The following CADM2 variants were observed in gnomAD, a reference collection of about 807,000 sequenced individuals.
The protein encoded by CADM2 is cell adhesion molecule 2, also known as immunoglobulin superfamily member 4D.
A neutral mutation model predicts 49.8 loss-of-function variants in CADM2; 12 were observed. The observed-to-expected ratio is 0.24, with a 90% CI of 0.15 to 0.39. CADM2 has a LOEUF of 0.39. Among genes scored for constraint, CADM2 ranks in the 10% least tolerant of loss-of-function variants. The pLI is 1.00. For missense variants in CADM2, 378 were observed against 492.3 expected (o/e 0.77, Z 2.20); for synonymous variants, 214 against 175.4 (o/e 1.22, Z -1.74).
intron 1 of CADM2, among the ~76,000 whole-genome samples, chr3:85,659,965 G>T (rs1194903485): frequency 6.6e-6 from 1 of 152,244 alleles, no homozygotes; most frequent in South Asian, 2.1e-4. Flanking sequence ...TTATGAACTT[G>T]AATGCACCCA....
At chr3:85,080,029 G>T (rs144519529) in intron 1 of CADM2, among the ~76,000 whole-genome samples, 2 of 151,992 alleles carry the variant, frequency 1.3e-5, no homozygotes, top group African/African-American at 4.8e-5. Flanking sequence ...GTATTGAAGT[G>T]TCAAGAAAAA....
intron 1 of CADM2, among the ~76,000 whole-genome samples, chr3:85,270,389 T>C (rs1384726676): frequency 6.6e-6 from 1 of 151,394 alleles, no homozygotes; most frequent in Non-Finnish European, 1.5e-5. Context: ...ATGTTCTAGA[T>C]GTATAGCATA....
intron 1 of CADM2, among the ~76,000 whole-genome samples, chr3:84,980,015 T>G (rs1207015616): frequency 1.3e-5 from 2 of 152,182 alleles, no homozygotes; most frequent in African/African-American, 4.8e-5. Flanking sequence ...TTATTTCCTT[T>G]GTAAGTATGT....
At chr3:85,255,324 AG>A (rs1323571553) in intron 1 of CADM2, among the ~76,000 whole-genome samples, 1 of 152,078 alleles carries the variant, frequency 6.6e-6, no homozygotes, top group Non-Finnish European at 1.5e-5. Context: ...CTTCACTTAA[AG>A]GTATTTAAAG....
intron 1 of CADM2, among the ~76,000 whole-genome samples, chr3:85,084,223 C>T (rs756888764): frequency 6.6e-6 from 1 of 152,124 alleles, no homozygotes; most frequent in African/African-American, 2.4e-5. Context: ...CAAAATAATT[C>T]TTTGAAGTAT....
chr3:85,095,977 C>T (rs897932174), intron 1 of CADM2, among the ~76,000 whole-genome samples: 1 of 152,008 alleles, frequency 6.6e-6, no homozygotes, highest in African/African-American at 2.4e-5. Flanking sequence ...AGCTCCAAGT[C>T]TCTAGGGTTT....
chr3:86,006,799 G>T (rs1046524471), intron 8 of CADM2, among the ~76,000 whole-genome samples: 1 of 152,064 alleles, frequency 6.6e-6, no homozygotes, highest in African/African-American at 2.4e-5. Flanking sequence ...CCTGCACTTT[G>T]GGAGGCTGAG....
At chr3:85,372,404 T>C (rs1341341154) in intron 1 of CADM2, among the ~76,000 whole-genome samples, 2 of 132,756 alleles carry the variant, frequency 1.5e-5, no homozygotes, top group Non-Finnish European at 1.6e-5. Flanking sequence ...TATATGTATA[T>C]GTATATATAT....
At chr3:85,169,077 G>A (rs1166061488) in intron 1 of CADM2, among the ~76,000 whole-genome samples, 1 of 151,960 alleles carries the variant, frequency 6.6e-6, no homozygotes, top group Non-Finnish European at 1.5e-5. Flanking sequence ...CTCAGCCTCA[G>A]GAGTATCTGG....
chr3:85,549,593 C>T (rs1430891589), intron 1 of CADM2, among the ~76,000 whole-genome samples: 1 of 151,988 alleles, frequency 6.6e-6, no homozygotes, highest in Non-Finnish European at 1.5e-5. Context: ...TCAATGTTTA[C>T]ACTCTGTGGT....
At chr3:85,916,762 G>C (rs1385337413) in intron 6 of CADM2, among the ~76,000 whole-genome samples, 1 of 151,920 alleles carries the variant, frequency 6.6e-6, no homozygotes, top group Non-Finnish European at 1.5e-5. Flanking sequence ...CTTCCACAAT[G>C]GTTGAACTAG....
chr3:85,949,825 A>G (rs1254567861), intron 7 of CADM2, among the ~76,000 whole-genome samples: 4 of 151,096 alleles, frequency 2.6e-5, no homozygotes, highest in African/African-American at 4.8e-5. Context: ...AATGAGCACT[A>G]TTTTATATTA....
At chr3:85,684,552 C>T (rs1352132648) in intron 1 of CADM2, among the ~76,000 whole-genome samples, 1 of 152,030 alleles carries the variant, frequency 6.6e-6, no homozygotes, top group African/African-American at 2.4e-5. Flanking sequence ...CATTTTCATG[C>T]TGCTGGTAAA....
At chr3:85,901,735 ACAAT>A (rs1181864005) in intron 5 of CADM2, among the ~76,000 whole-genome samples, 2 of 152,144 alleles carry the variant, frequency 1.3e-5, no homozygotes, top group Admixed American at 6.5e-5. Context: ...AACTCTCACC[ACAAT>A]CAATTTCAAA....
intron 1 of CADM2, among the ~76,000 whole-genome samples, chr3:85,488,946 TA>T (rs1242817166): frequency 6.6e-6 from 1 of 152,152 alleles, no homozygotes; most frequent in Non-Finnish European, 1.5e-5. Context: ...TTTTAATAAC[TA>T]AAATGTTTTC....
intron 1 of CADM2, among the ~76,000 whole-genome samples, chr3:85,626,047 T>C (rs2064122733): frequency 6.6e-6 from 1 of 152,042 alleles, no homozygotes; most frequent in Admixed American, 6.6e-5. Flanking sequence ...TATTCTGTTT[T>C]AGTAAGAATT....
At chr3:85,808,406 AT>A (rs1213987953) in intron 3 of CADM2, among the ~76,000 whole-genome samples, 2 of 152,158 alleles carry the variant, frequency 1.3e-5, no homozygotes, top group Non-Finnish European at 2.9e-5. Flanking sequence ...AGTAGAGGTC[AT>A]TGAAACACCA....
intron 3 of CADM2, among the ~76,000 whole-genome samples, chr3:85,838,551 G>A (rs2074501814): frequency 6.6e-6 from 1 of 151,684 alleles, no homozygotes; most frequent in Non-Finnish European, 1.5e-5. Context: ...AGGTGCTCTG[G>A]TTATAATATA....
At chr3:85,373,236 C>T (rs1019052216) in intron 1 of CADM2, among the ~76,000 whole-genome samples, 3 of 152,126 alleles carry the variant, frequency 2.0e-5, no homozygotes, top group Non-Finnish European at 2.9e-5. Context: ...TACACCCATT[C>T]CAAATGGGAT....
Sources: allele counts gnomAD v4.1 joint callset (sites outside exome capture counted in the v4.1 genomes callset), GRCh38; gene constraint gnomAD v4.1.1; transcripts MANE v1.5; gene names NCBI Gene and HGNC (gene_info 2026-07-23, HGNC 2026-07-21).